The following TSHZ2 variants were observed in gnomAD, a reference collection of about 807,000 sequenced individuals.
TSHZ2 encodes teashirt homolog 2.
In TSHZ2, 21 loss-of-function variants were observed where a neutral mutation model predicts 74.4. That is an observed-to-expected ratio of 0.28 (90% CI 0.20 to 0.41). The LOEUF is 0.41. Ranked by LOEUF, TSHZ2 falls within the 10% of genes least tolerant of loss-of-function variation. The pLI is 1.00. For synonymous variants in TSHZ2, 540 were observed against 515.3 expected (o/e 1.05, Z -0.65); for missense variants, 1,244 against 1,293.5 (o/e 0.96, Z 0.59).
intron 1 of TSHZ2, among the ~76,000 whole-genome samples, chr20:52,973,961 G>C (rs554668656): frequency 6.6e-6 from 1 of 152,272 alleles, no homozygotes; most frequent in African/African-American, 2.4e-5. Context: ...AGGGTTGTAG[G>C]GGGGAAATTC....
chr20:53,159,673 CACTT>C (rs1352747990), intron 1 of TSHZ2, among the ~76,000 whole-genome samples: 3 of 150,520 alleles, frequency 2.0e-5, no homozygotes, highest in African/African-American at 7.3e-5. Flanking sequence ...AACAGGAAAA[CACTT>C]AAGTGACCAA....
In TSHZ2 at chr20:53,117,384, A is replaced by C. The variant is rs111543384; in HGVS notation, c.41-136115A>C. ...AATGTATAGTTATAAAGCACACACAAGGTATCAGGCTCTGTTCTAGGCACT... is the reference window on the plus strand; with the variant it reads ...AATGTATAGTTATAAAGCACACACACGGTATCAGGCTCTGTTCTAGGCACT... On this transcript the variant is annotated intron_variant, in intron 1 of 2. Transcript: ENST00000371497. Among the ~76,000 whole-genome samples the C allele has an allele frequency of 3.6e-4, 55 of 152,342 alleles. 1 individual carries two copies. The highest frequency in any genetic ancestry group is 1.3e-3 in the African/African-American group (54 of 41,584).
intron 1 of TSHZ2, among the ~76,000 whole-genome samples, chr20:52,983,791 TGGATGGAGG>T (rs1457992866): frequency 6.6e-6 from 1 of 152,202 alleles, no homozygotes; most frequent in Non-Finnish European, 1.5e-5. Context: ...GCTGAGAACA[TGGATGGAGG>T]GGAAGGAGTG....
intron 1 of TSHZ2, among the ~76,000 whole-genome samples, chr20:53,216,179 G>A (rs1321198176): frequency 1.3e-5 from 2 of 152,158 alleles, no homozygotes; most frequent in Non-Finnish European, 1.5e-5. Flanking sequence ...TAGTATTTCA[G>A]CATTCTATGA....
chr20:52,986,078 A>G (rs768255817), intron 1 of TSHZ2, among the ~76,000 whole-genome samples: 6 of 152,158 alleles, frequency 3.9e-5, no homozygotes, highest in Non-Finnish European at 8.8e-5. Context: ...GACTTTAGCA[A>G]GCAAAGATAT....
At chr20:53,240,746 G>C (rs1990046578) in intron 1 of TSHZ2, among the ~76,000 whole-genome samples, 1 of 152,020 alleles carries the variant, frequency 6.6e-6, no homozygotes, top group Admixed American at 6.6e-5. Context: ...TAGATAGATA[G>C]ATAGATAGAT....
At chr20:53,416,098 G>A (rs1315684144) in intron 2 of TSHZ2, among the ~76,000 whole-genome samples, 1 of 152,186 alleles carries the variant, frequency 6.6e-6, no homozygotes, top group Non-Finnish European at 1.5e-5. Context: ...TGAAGGGCAG[G>A]TGGGTGGTGG....
chr20:53,221,014 CA>C (rs1331497774), intron 1 of TSHZ2, among the ~76,000 whole-genome samples: 8 of 152,274 alleles, frequency 5.3e-5, no homozygotes, highest in African/African-American at 1.7e-4. Context: ...CCATAATTCC[CA>C]CGTGTTGTGG....
At chr20:53,472,085 G>A (rs917524059) in intron 2 of TSHZ2, among the ~76,000 whole-genome samples, 1 of 152,164 alleles carries the variant, frequency 6.6e-6, no homozygotes, top group East Asian at 1.9e-4. Flanking sequence ...GACTACAGGT[G>A]TGAGCCCGCG....
intron 1 of TSHZ2, among the ~76,000 whole-genome samples, chr20:53,139,040 A>G (rs1202728699): frequency 1.3e-5 from 2 of 152,248 alleles, no homozygotes; most frequent in Admixed American, 1.3e-4. Context: ...AGTGGGTCTG[A>G]GAAAGTTGTT....
intron 1 of TSHZ2, among the ~76,000 whole-genome samples, chr20:53,236,036 C>G (rs1397968775): frequency 1.3e-5 from 2 of 152,166 alleles, no homozygotes; most frequent in Admixed American, 1.3e-4. Context: ...CAAAGTTCAC[C>G]AACACAGCTG....
chr20:53,436,434 C>T (rs1380136783), intron 2 of TSHZ2, among the ~76,000 whole-genome samples: 4 of 151,888 alleles, frequency 2.6e-5, no homozygotes, highest in East Asian at 1.9e-4. Context: ...CAGTGCCCTG[C>T]GGTGTGTCTG....
intron 1 of TSHZ2, among the ~76,000 whole-genome samples, chr20:53,171,538 C>G (rs1301043754): frequency 7.6e-6 from 1 of 131,916 alleles, no homozygotes; most frequent in Non-Finnish European, 1.6e-5. Context: ...AATGCATTAC[C>G]TTCTAAATGT....
intron 2 of TSHZ2, among the ~76,000 whole-genome samples, chr20:53,459,231 CTGGGTGCTCCTGTAT>C (rs1985248455): frequency 6.6e-6 from 1 of 152,152 alleles, no homozygotes; most frequent in Non-Finnish European, 1.5e-5. Context: ...CTTTATGAAT[CTGGGTGCTCCTGTAT>C]TGGGTGCATA....
At chr20:53,393,059 G>A (rs1415957045) in intron 2 of TSHZ2, among the ~76,000 whole-genome samples, 3 of 151,986 alleles carry the variant, frequency 2.0e-5, no homozygotes, top group Non-Finnish European at 2.9e-5. Flanking sequence ...TAAACTCCTG[G>A]CCTCAAGTGA....
At chr20:53,430,252 C>G (rs543437940) in intron 2 of TSHZ2, among the ~76,000 whole-genome samples, 1 of 151,748 alleles carries the variant, frequency 6.6e-6, no homozygotes, top group Admixed American at 6.6e-5. Context: ...CTACAGGCTC[C>G]CTCCAACACA....
At position 53,255,904 on chromosome 20, in the gene TSHZ2, G is replaced by A. The variant is rs756690172; in HGVS notation, c.2446G>A (p.Val816Ile). The A allele has an allele frequency of 3.7e-6, 6 of 1,613,914 alleles. No homozygotes were observed. The South Asian group carries it at 5.5e-5, about 15-fold the overall frequency. Residue 816 changes from valine (V) to isoleucine (I), a missense_variant, in exon 2 of 3, where the codon GTC becomes ATC. Coordinates refer to ENST00000371497, the MANE Select transcript of TSHZ2 (RefSeq NM_173485.6). This position sits in a 1 kb window ranked among gnomAD's most constrained non-coding sequence, Gnocchi z 4.1. ...CCCAAAGCCAGCCTCCTCCTCCAGG[G>A]TCCCCCCCATGAAGCTGGAAATGGA... is the stretch of plus-strand genomic sequence containing the variant. ...TTPKPASSSR[V>I]PPMKLEMDVR...
At chr20:53,423,864 A>G (rs2145721549) in intron 2 of TSHZ2, among the ~76,000 whole-genome samples, 1 of 152,274 alleles carries the variant, frequency 6.6e-6, no homozygotes, top group Admixed American at 6.5e-5. Flanking sequence ...TTCGGGGGAT[A>G]TTTGCAAGGT....
intron 2 of TSHZ2, among the ~76,000 whole-genome samples, chr20:53,346,065 G>A (rs1980427187): frequency 6.6e-6 from 1 of 152,202 alleles, no homozygotes; most frequent in Admixed American, 6.5e-5. Flanking sequence ...TGATGTTAAT[G>A]AAGGTGTCAC....
Sources: allele counts gnomAD v4.1 joint callset (sites outside exome capture counted in the v4.1 genomes callset), GRCh38; gene constraint gnomAD v4.1.1; non-coding constraint Gnocchi (gnomAD v3.1); transcripts MANE v1.5; gene names NCBI Gene and HGNC (gene_info 2026-07-23, HGNC 2026-07-21).